The following SLCO1B3 variants were observed in gnomAD, a reference collection of about 807,000 sequenced individuals.
SLCO1B3 encodes liver-specific organic anion transporter 2.
SLCO1B3 carries 72 observed loss-of-function variants against 71.8 expected under a neutral mutation model. That is an observed-to-expected ratio of 1.00 (90% CI 0.83 to 1.22). SLCO1B3 has a LOEUF of 1.22. Ranked by LOEUF, SLCO1B3 falls within the 50% of genes most tolerant of loss-of-function variation. The pLI is 0.00. For missense variants in SLCO1B3, 911 were observed against 819.7 expected, an observed-to-expected ratio of 1.11 and a Z score of -1.36; for synonymous variants, 298 against 278.4, an observed-to-expected ratio of 1.07 and a Z score of -0.70.
At chr12:20,902,104 T>C (rs1866143633) in intron 15 of SLCO1B3, 2 of 237,908 alleles carry the variant, frequency 8.4e-6, no homozygotes, top group Admixed American at 5.3e-5. Flanking sequence ...ATAAATGTGT[T>C]TGTAAGTATG....
chr12:20,829,424 C>G (rs1182492466), intron 3 of SLCO1B3, among the ~76,000 whole-genome samples: 1 of 152,208 alleles, frequency 6.6e-6, no homozygotes, highest in African/African-American at 2.4e-5. Context: ...CCTTCATCAT[C>G]ATGGAGCAGG....
intron 13 of SLCO1B3, among the ~76,000 whole-genome samples, chr12:20,895,397 G>A (rs1865985372): frequency 6.6e-6 from 1 of 152,164 alleles, no homozygotes; most frequent in Admixed American, 6.5e-5. Context: ...TACAGGCATT[G>A]GGTAAATACA....
intron 12 of SLCO1B3, among the ~76,000 whole-genome samples, chr12:20,882,570 AT>A (rs35159315): frequency 6.6e-6 from 1 of 151,100 alleles, no homozygotes; most frequent in Admixed American, 6.6e-5. Context: ...CACCCGGCTA[AT>A]TTTTTTTTAT....
At chr12:20,893,532 T>C (rs1298100797) in intron 13 of SLCO1B3, among the ~76,000 whole-genome samples, 2 of 152,154 alleles carry the variant, frequency 1.3e-5, no homozygotes, top group African/African-American at 4.8e-5. Context: ...TGAGAACTTC[T>C]ACATTTCAGG....
At chr12:20,829,281 C>G (rs1864490770) in intron 3 of SLCO1B3, among the ~76,000 whole-genome samples, 1 of 152,156 alleles carries the variant, frequency 6.6e-6, no homozygotes, top group South Asian at 2.1e-4. Flanking sequence ...AAGACAAAAA[C>G]TACAATTCAG....
intron 10 of SLCO1B3, among the ~76,000 whole-genome samples, 196 bp from the exon 11 acceptor site, chr12:20,879,240 G>C (rs1221946674): frequency 2.6e-4 from 29 of 111,050 alleles, no homozygotes; most frequent in African/African-American, 9.7e-4. Context: ...ATGGAGTCTC[G>C]CTCTGTTGCC....
chr12:20,887,753 A>T, intron 13 of SLCO1B3, among the ~76,000 whole-genome samples: 1 of 150,290 alleles, frequency 6.7e-6, no homozygotes, highest in African/African-American at 2.4e-5. Context: ...TTGGTGTATT[A>T]TTTTGTTGCA....
At chr12:20,831,353 T>C (rs1422990192) in intron 3 of SLCO1B3, among the ~76,000 whole-genome samples, 7 of 29,036 alleles carry the variant, frequency 2.4e-4, no homozygotes, top group Admixed American at 1.5e-3. Context: ...CGAGACGCCA[T>C]ATCAAAAAAA....
At chr12:20,898,524 C>T (rs1405640198) in intron 14 of SLCO1B3, 24 bp downstream of exon 14, 2 of 1,157,096 alleles carry the variant, frequency 1.7e-6, no homozygotes, top group African/African-American at 1.5e-5. Context: ...ATAGATTATA[C>T]ATTTTAACAT....
At chr12:20,884,978 A>AT (rs1865764628) in intron 13 of SLCO1B3, among the ~76,000 whole-genome samples, 1 of 152,116 alleles carries the variant, frequency 6.6e-6, no homozygotes, top group African/African-American at 2.4e-5. Flanking sequence ...CAAATTACAG[A>AT]TTCATTAACT....
chr12:20,905,130 C>T (rs1591791762), intron 15 of SLCO1B3, among the ~76,000 whole-genome samples: 2 of 152,264 alleles, frequency 1.3e-5, no homozygotes, highest in Admixed American at 1.3e-4. Context: ...CAAGCTGTAC[C>T]TTGACTCCCC....
chr12:20,852,756 A>C (rs1432786470), intron 3 of SLCO1B3, among the ~76,000 whole-genome samples: 1 of 152,108 alleles, frequency 6.6e-6, no homozygotes, highest in Non-Finnish European at 1.5e-5. Flanking sequence ...GCATAGAAAC[A>C]CTTCTTAATT....
chr12:20,912,672 C>A (rs1412850259), intron 15 of SLCO1B3, among the ~76,000 whole-genome samples: 2 of 151,516 alleles, frequency 1.3e-5, no homozygotes, highest in African/African-American at 4.9e-5. Context: ...TACAGGCCTG[C>A]ACCCCCACAC....
chr12:20,826,159 G>A (rs1864416270), intron 3 of SLCO1B3, among the ~76,000 whole-genome samples: 3 of 151,704 alleles, frequency 2.0e-5, no homozygotes, highest in African/African-American at 7.3e-5. Context: ...TGGTTTCATA[G>A]AACAATTAAA....
intron 8 of SLCO1B3, among the ~76,000 whole-genome samples, chr12:20,872,286 G>A (rs1016067680): frequency 1.3e-5 from 2 of 151,640 alleles, no homozygotes; most frequent in African/African-American, 4.8e-5. Context: ...CTTCAGGGCA[G>A]TGGGTCTCTT....
At chr12:20,848,032 G>A (rs1403975385) in intron 3 of SLCO1B3, among the ~76,000 whole-genome samples, 1 of 152,060 alleles carries the variant, frequency 6.6e-6, no homozygotes, top group Non-Finnish European at 1.5e-5. Flanking sequence ...TACAAGTGCT[G>A]TCCCATAGGA....
chr12:20,895,795 G>A (rs73233626), intron 13 of SLCO1B3, among the ~76,000 whole-genome samples: 1,556 of 152,290 alleles, frequency 0.01, 24 homozygotes, highest in African/African-American at 0.035. Flanking sequence ...GACATTTTCC[G>A]TTCATACTGC....
rs1865681538 is a variant in SLCO1B3, at chr12:20,880,938, C to T, written c.1415C>T (p.Pro472Leu). The T allele has an allele frequency of 1.2e-6, 2 of 1,611,576 alleles. No homozygotes were observed. Among genetic ancestry groups the T allele is most frequent in the Non-Finnish European group, 1.7e-6 (2 of 1,177,952 alleles). The change falls in exon 12 of 16, where the codon CCA becomes CTA. Residue 472 changes from proline to leucine, a missense_variant. Physicochemically the swap from Pro to Leu is moderately conservative, Grantham distance 98 (BLOSUM62 -3). Coordinates refer to ENST00000381545, the MANE Select transcript of SLCO1B3 (RefSeq NM_019844.4). ...ECNCDESQWEPVCGNNGITYL... is the reference protein window; with the variant it reads ...ECNCDESQWELVCGNNGITYL... ...AATTGTGATGAAAGTCAGTGGGAAC[C>T]AGTCTGTGGGAACAATGGAATAACT...
intron 3 of SLCO1B3, among the ~76,000 whole-genome samples, chr12:20,850,256 T>TTTTTTTATTTA (rs1555154813): frequency 7.0e-6 from 1 of 143,040 alleles, no homozygotes; most frequent in Non-Finnish European, 1.5e-5. Context: ...ATTATTATTA[T>TTTTTTTATTTA]TTTATTTATT....
Sources: gnomAD v4.1 joint callset for allele counts (sites outside exome capture counted in the v4.1 genomes callset) on GRCh38, gnomAD v4.1.1 for gene constraint, MANE v1.5 for transcripts, NCBI Gene and HGNC (gene_info 2026-07-23, HGNC 2026-07-21) for gene names.